Variants in SCD5 observed in about 807,000 individuals in gnomAD.
SCD5 encodes acyl-CoA-desaturase 4.
A neutral mutation model predicts 30.4 loss-of-function variants in SCD5; 20 were observed. The observed-to-expected ratio is 0.66, with a 90% confidence interval of 0.46 to 0.96. The LOEUF (loss-of-function observed/expected upper bound fraction) is 0.96. SCD5 is among the 40% of genes least tolerant of loss of function. The probability of loss-of-function intolerance (pLI) is 0.00; values close to 1 mark genes in which losing one functional copy is unlikely to be tolerated. For synonymous variants in SCD5, 173 were observed against 176.4 expected (o/e 0.98, Z 0.16); for missense variants, 381 against 443.3 (o/e 0.86, Z 1.26).
intron 1 of SCD5, among the ~76,000 whole-genome samples, chr4:82,725,582 G>A (rs553823154): frequency 1.6e-4 from 24 of 152,128 alleles, no homozygotes; most frequent in South Asian, 4.2e-4. Flanking sequence ...AGCCTGGACC[G>A]GGCGTGGTGG....
intron 3 of SCD5, chr4:82,661,167 T>G: frequency 1.7e-6 from 2 of 1,148,614 alleles, no homozygotes; most frequent in Non-Finnish European, 2.6e-6. Flanking sequence ...AGAAATTGTG[T>G]CAATAACAAA....
At chr4:82,679,220 A>AAAAG (rs796703848) in intron 3 of SCD5, among the ~76,000 whole-genome samples, 1,880 of 32,168 alleles carry the variant, frequency 0.058, 73 homozygotes, top group Non-Finnish European at 0.07. Context: ...AAAAAGAAAG[A>AAAAG]AAAGAAAGAA....
intron 1 of SCD5, among the ~76,000 whole-genome samples, chr4:82,739,184 C>T (rs922844743): frequency 5.3e-5 from 8 of 152,206 alleles, no homozygotes; most frequent in Non-Finnish European, 2.9e-5. Context: ...CTTGCTGATT[C>T]TTCTACATGC....
intron 3 of SCD5, among the ~76,000 whole-genome samples, chr4:82,658,125 A>C (rs1015148100): frequency 3.3e-5 from 5 of 152,186 alleles, no homozygotes; most frequent in African/African-American, 1.2e-4. Context: ...AGAACTTCCA[A>C]TACTACATTG....
At chr4:82,746,316 A>C (rs1412752618) in intron 1 of SCD5, among the ~76,000 whole-genome samples, 1 of 152,258 alleles carries the variant, frequency 6.6e-6, no homozygotes, top group African/African-American at 2.4e-5. Context: ...GAGCTCTCTT[A>C]GGCTGAGGAG....
chr4:82,649,519 G>T (rs1178614514), intron 3 of SCD5, among the ~76,000 whole-genome samples: 3 of 152,184 alleles, frequency 2.0e-5, no homozygotes, highest in Admixed American at 6.5e-5. Flanking sequence ...CTAGGGCCTT[G>T]CTCCATCCTG....
chr4:82,678,967 C>T (rs1728492421), intron 3 of SCD5, among the ~76,000 whole-genome samples: 1 of 151,628 alleles, frequency 6.6e-6, no homozygotes, highest in South Asian at 2.1e-4. Flanking sequence ...TTTGGGAGGC[C>T]GAGGAGGATC....
At chr4:82,795,777 G>A (rs975111314) in intron 1 of SCD5, among the ~76,000 whole-genome samples, 5 of 126,784 alleles carry the variant, frequency 3.9e-5, no homozygotes, top group Admixed American at 1.0e-4. Flanking sequence ...AGCTATGATC[G>A]TGCCACTGCA....
chr4:82,636,521 C>A, intron 4 of SCD5, 70 bp downstream of exon 4: 3 of 1,244,464 alleles, frequency 2.4e-6, no homozygotes, highest in Admixed American at 4.0e-5. Context: ...ACTGATTCCA[C>A]AAAACTACTG....
At chr4:82,638,789 G>C (rs944379023) in intron 3 of SCD5, among the ~76,000 whole-genome samples, 1 of 152,210 alleles carries the variant, frequency 6.6e-6, no homozygotes, top group Non-Finnish European at 1.5e-5. Context: ...AGTACTACAG[G>C]GTTGTTGTGA....
chr4:82,717,859 T>A (rs547489485), intron 1 of SCD5, among the ~76,000 whole-genome samples: 25 of 151,764 alleles, frequency 1.6e-4, no homozygotes, highest in African/African-American at 5.6e-4. Context: ...GAGGTTGCAG[T>A]GAGCCGAGGT....
chr4:82,726,765 G>A (rs1720507959), intron 1 of SCD5, among the ~76,000 whole-genome samples: 1 of 152,190 alleles, frequency 6.6e-6, no homozygotes. Context: ...TGAGGCCACA[G>A]TGTGCAGTGT....
At chr4:82,745,598 A>G (rs1237995094) in intron 1 of SCD5, among the ~76,000 whole-genome samples, 1 of 152,204 alleles carries the variant, frequency 6.6e-6, no homozygotes, top group African/African-American at 2.4e-5. Context: ...TTTGCTGCAC[A>G]GATCATCACC....
intron 4 of SCD5, among the ~76,000 whole-genome samples, chr4:82,633,711 A>G (rs1441420528): frequency 1.3e-5 from 2 of 152,198 alleles, no homozygotes; most frequent in African/African-American, 4.8e-5. Context: ...TGTGGTTTTA[A>G]TTTGCATTTC....
At chr4:82,745,953 T>C (rs1488158159) in intron 1 of SCD5, among the ~76,000 whole-genome samples, 3 of 152,248 alleles carry the variant, frequency 2.0e-5, no homozygotes, top group Non-Finnish European at 4.4e-5. Context: ...CTTCAGTTTC[T>C]TTGTTTGCAA....
intron 1 of SCD5, among the ~76,000 whole-genome samples, chr4:82,727,134 T>C (rs896434439): frequency 6.6e-6 from 1 of 152,224 alleles, no homozygotes; most frequent in African/African-American, 2.4e-5. Flanking sequence ...CATCAGATTC[T>C]GAATTCATTT....
At position 82,631,511 on chromosome 4, in the gene SCD5, C is replaced by G. The variant is rs765093568; in HGVS notation, c.809G>C (p.Gly270Ala). 1 of 1,613,552 alleles carries G rather than the reference C, an allele frequency of 6.2e-7. No individual in the cohort carries two copies. Among genetic ancestry groups the G allele is most frequent in the Non-Finnish European group, 8.5e-7 (1 of 1,179,656 alleles). ...PLVALGAIGE[G>A]FHNYHHTFPF... ...AAAGGTGTGATGGTAATTATGGAAG[C>G]CTTCACCTGGAAGACAAAGCGGGCA... Residue 270 changes from glycine (G) to alanine (A), a missense_variant, in exon 5 of 5, where the codon GGC becomes GCC. By Grantham distance (60) the Gly-to-Ala change is moderately conservative. Coordinates refer to ENST00000319540, the MANE Select transcript of SCD5 (RefSeq NM_001037582.3).
chr4:82,705,792 C>A (rs183687924), intron 1 of SCD5, among the ~76,000 whole-genome samples: 2 of 152,218 alleles, frequency 1.3e-5, no homozygotes, highest in Non-Finnish European at 2.9e-5. Context: ...TTAATTGGCA[C>A]ACATGACAGG....
chr4:82,770,120 G>A (rs1474323393), intron 1 of SCD5, among the ~76,000 whole-genome samples: 2 of 151,918 alleles, frequency 1.3e-5, no homozygotes, highest in Admixed American at 6.6e-5. Context: ...GTGCCATGTT[G>A]GTGTGCTGCA....
Sources: gnomAD v4.1 joint callset for allele counts (sites outside exome capture counted in the v4.1 genomes callset) on GRCh38, gnomAD v4.1.1 for gene constraint, MANE v1.5 for transcripts, NCBI Gene and HGNC (gene_info 2026-07-23, HGNC 2026-07-21) for gene names.